Variants in ZNF638 observed in about 807,000 individuals in gnomAD.
ZNF638 encodes the protein CTCL tumor antigen se33-1.
A neutral mutation model predicts 195.6 loss-of-function variants in ZNF638; 46 were observed. That is an observed-to-expected ratio of 0.24 (90% confidence interval 0.19 to 0.30). The LOEUF (loss-of-function observed/expected upper bound fraction) is 0.30. Among genes scored for constraint, ZNF638 ranks in the 10% least tolerant of loss-of-function variants. The probability of loss-of-function intolerance (pLI) is 1.00; values close to 1 mark genes in which losing one functional copy is unlikely to be tolerated. For missense variants in ZNF638, 2,440 were observed against 2,325.3 expected (o/e 1.05, Z -1.01); for synonymous variants, 845 against 772.0 (o/e 1.09, Z -1.57).
chr2:71,388,816 A>C (rs2079706266), intron 10 of ZNF638: 1 of 750,304 alleles, frequency 1.3e-6, no homozygotes, highest in Admixed American at 2.0e-5. Context: ...GCACAACAGA[A>C]ACAGTATATA....
At chr2:71,417,169 T>C (rs2080314284) in intron 20 of ZNF638, among the ~76,000 whole-genome samples, 1 of 151,600 alleles carries the variant, frequency 6.6e-6, no homozygotes, top group Non-Finnish European at 1.5e-5. Flanking sequence ...GTGTGGGATA[T>C]AGTCTCGTGG....
chr2:71,408,370 T>C, intron 20 of ZNF638, 123 bp downstream of exon 20: 1 of 1,204,370 alleles, frequency 8.3e-7, no homozygotes, highest in South Asian at 1.7e-5. Context: ...TGTGTTGCAA[T>C]CAGTGTTCCA....
chr2:71,401,405 T>C (rs927185511), intron 15 of ZNF638, among the ~76,000 whole-genome samples: 2 of 152,150 alleles, frequency 1.3e-5, no homozygotes, highest in Non-Finnish European at 2.9e-5. Context: ...CAGGAGCTTT[T>C]TTATTATGTA....
chr2:71,341,143 A>G (rs971021417), intron 1 of ZNF638, among the ~76,000 whole-genome samples: 3 of 152,190 alleles, frequency 2.0e-5, no homozygotes, highest in Non-Finnish European at 2.9e-5. Flanking sequence ...CACAGGATCT[A>G]ATAGCGCTAT....
intron 8 of ZNF638, among the ~76,000 whole-genome samples, chr2:71,377,257 C>T (rs1040969185): frequency 3.3e-5 from 5 of 152,102 alleles, no homozygotes; most frequent in African/African-American, 1.2e-4. Context: ...GGGGGATGAT[C>T]AGGAGCCCTT....
At chr2:71,348,682 A>G in intron 1 of ZNF638, 71 bp from the exon 2 acceptor site, 2 of 1,380,564 alleles carry the variant, frequency 1.4e-6, no homozygotes, top group South Asian at 2.9e-5. Context: ...AATGTTTTAC[A>G]CTGGCTGTAG....
chr2:71,395,374 G>T (rs1389060619), intron 10 of ZNF638: 2 of 701,552 alleles, frequency 2.9e-6, no homozygotes, highest in Non-Finnish European at 5.3e-6. Context: ...GATCAGTCAG[G>T]GTGGTGGGAA....
intron 20 of ZNF638, among the ~76,000 whole-genome samples, chr2:71,412,136 G>A (rs61787487): frequency 3.5e-5 from 3 of 86,760 alleles, no homozygotes; most frequent in African/African-American, 5.0e-5. Flanking sequence ...CTCCAGCACC[G>A]GTTGTTTCCT....
chr2:71,398,572 G>C lies in ZNF638; in HGVS notation c.2429-129G>C, dbSNP rs1321574708. The stretch of plus-strand genomic sequence containing the variant: ...TTAGAAAATGGCCTATGTCCCCAAA[G>C]ATGATAGCATTTTATGTTTTGAATA... On this transcript the variant is annotated intron_variant, in intron 11 of 27. Transcript: ENST00000264447. The C allele has an allele frequency of 3.9e-6, 3 of 773,834 alleles. No homozygotes were observed. In the African/African-American group the frequency reaches 5.3e-5, roughly 14 times the overall value. 47.9% of individuals were successfully genotyped at this position (773,834 alleles called of 1,614,324 possible). A position where few individuals can be genotyped will look rare whatever the true frequency, so the allele number is the denominator to read the frequency against.
chr2:71,426,875 C>T lies in ZNF638; in HGVS notation c.5006C>T (p.Ala1669Val). 1 of 1,614,122 alleles carries T rather than the reference C, an allele frequency of 6.2e-7. No individual in the cohort carries two copies. Among genetic ancestry groups the T allele is most frequent in the South Asian group, 1.1e-5 (1 of 91,080 alleles). The change falls in exon 24 of 28, where the codon GCT (alanine) becomes GTT (valine). Residue 1669 changes from alanine (A) to valine (V), a missense_variant. By Grantham distance (64) the Ala-to-Val change is moderately conservative. Coordinates refer to ENST00000264447, the MANE Select transcript of ZNF638 (RefSeq NM_014497.5). ...EPKDVTVLSV[A>V]EEQDLLKQER... ...AAAGATGTTACTGTTCTGTCAGTGG[C>T]TGAAGAACAAGATCTCCTCAAACAG...
chr2:71,400,641 G>C (rs1216528234), intron 15 of ZNF638, 123 bp downstream of exon 15: 3 of 764,304 alleles, frequency 3.9e-6, no homozygotes, highest in Middle Eastern at 3.4e-4. Flanking sequence ...AGTCATTTGT[G>C]ACTTTTAAAA....
At chr2:71,409,483 T>C (rs1229013275) in intron 20 of ZNF638, among the ~76,000 whole-genome samples, 2 of 152,204 alleles carry the variant, frequency 1.3e-5, no homozygotes, top group African/African-American at 4.8e-5. Flanking sequence ...TATGAAGATA[T>C]TTACTGCAGA....
At chr2:71,340,602 T>G (rs2078747102) in intron 1 of ZNF638, among the ~76,000 whole-genome samples, 2 of 152,136 alleles carry the variant, frequency 1.3e-5, no homozygotes, top group South Asian at 4.1e-4. Context: ...TCTAGAAAAA[T>G]AATGTTAGTG....
At chr2:71,368,728 G>C (rs181253220) in intron 7 of ZNF638, among the ~76,000 whole-genome samples, 200 bp downstream of exon 7, 1 of 152,192 alleles carries the variant, frequency 6.6e-6, no homozygotes, top group Non-Finnish European at 1.5e-5. Context: ...CACTTTTTCT[G>C]TAAAGGGCCA....
Position 71,423,517 on chromosome 2 carries a change from G to A in ZNF638, c.4003G>A (p.Glu1335Lys), listed in dbSNP as rs183156417. 337 of 1,614,034 alleles carry A rather than the reference G, an allele frequency of 2.1e-4. 3 individuals carry two copies. The East Asian group carries it at 7.4e-3, about 36-fold the overall frequency. The change falls in exon 22 of 28, where the codon GAA becomes AAA. Residue 1335 changes from glutamate to lysine, a missense_variant. This residue lies in a region of ZNF638 where 1,883 missense variants were observed against 1,739.1 expected (regional missense o/e 1.08). Coordinates refer to ENST00000264447, the MANE Select transcript of ZNF638 (RefSeq NM_014497.5). Reference protein sequence around the residue: ...QIGTEKAEKNEGRMDAEKVEK... With the variant: ...QIGTEKAEKNKGRMDAEKVEK... ...AGGAACAGAGAAGGCTGAAAAGAAT[G>A]AAGGTAGGATGGATGCAGAAAAGGT...
At chr2:71,344,849 C>G (rs2078824264) in intron 1 of ZNF638, among the ~76,000 whole-genome samples, 2 of 152,134 alleles carry the variant, frequency 1.3e-5, no homozygotes, top group Non-Finnish European at 1.5e-5. Flanking sequence ...AAATAACAAG[C>G]ATCCTTTTAG....
In ZNF638 at chr2:71,380,575, T is replaced by TA; in HGVS notation, c.2377+11dup. 6.3e-7 allele frequency: 1 copy of TA among 1,596,876 alleles called. No homozygotes were observed. The highest frequency in any genetic ancestry group is 8.5e-7 in the Non-Finnish European group (1 of 1,170,150). On this transcript the variant is annotated intron_variant, in intron 10 of 27. Coordinates refer to ENST00000264447, the MANE Select transcript of ZNF638 (RefSeq NM_014497.5). ...ACTTCAACTTCTGCTGGTAAGTTGT[T>TA]ACTTTTAATATTCTTTCAAATGAGT... is the stretch of plus-strand genomic sequence containing the variant.
At chr2:71,394,109 G>A (rs943218321) in intron 10 of ZNF638, among the ~76,000 whole-genome samples, 3 of 152,168 alleles carry the variant, frequency 2.0e-5, no homozygotes, top group African/African-American at 7.2e-5. Flanking sequence ...CGGGGGACAA[G>A]CCCTTAGTCT....
intron 10 of ZNF638, among the ~76,000 whole-genome samples, chr2:71,384,509 GCTGT>G (rs1362307494): frequency 2.6e-5 from 4 of 152,084 alleles, no homozygotes; most frequent in African/African-American, 9.7e-5. Context: ...CTTTATTTAT[GCTGT>G]CTATTTGCAT....
Sources: gnomAD v4.1 joint callset for allele counts (sites outside exome capture counted in the v4.1 genomes callset) on GRCh38, gnomAD v4.1.1 for gene constraint, gnomAD v4.1.1 regional missense constraint, MANE v1.5 for transcripts, NCBI Gene and HGNC (gene_info 2026-07-23, HGNC 2026-07-21) for gene names.